Variants in ARNT2 observed in about 807,000 individuals in gnomAD.
ARNT2 encodes the protein aryl hydrocarbon receptor nuclear translocator 2, also known as ARNT protein 2.
In ARNT2, 36 loss-of-function variants were observed where a neutral mutation model predicts 91.7. That is an observed-to-expected ratio of 0.39 (90% CI 0.30 to 0.52). The LOEUF (loss-of-function observed/expected upper bound fraction) is 0.52. Ranked by LOEUF, ARNT2 falls within the 20% of genes least tolerant of loss-of-function variation. The probability of loss-of-function intolerance (pLI) is 0.72; values close to 1 mark genes in which losing one functional copy is unlikely to be tolerated. For synonymous variants in ARNT2, 365 were observed against 347.1 expected, an observed-to-expected ratio of 1.05 and a Z score of -0.57; for missense variants, 775 against 939.3, an observed-to-expected ratio of 0.83 and a Z score of 2.29.
intron 17 of ARNT2, among the ~76,000 whole-genome samples, chr15:80,590,965 G>A: frequency 6.6e-6 from 1 of 152,242 alleles, no homozygotes; most frequent in Non-Finnish European, 1.5e-5. Flanking sequence ...GGCAGGAAAA[G>A]ACTGTGGTGC....
chr15:80,566,341 A>G (rs11635554), intron 12 of ARNT2, among the ~76,000 whole-genome samples: 54,024 of 151,920 alleles, frequency 0.36, 10,349 homozygotes, highest in East Asian at 0.72. Context: ...TCATGAGTGT[A>G]TCTATCTCAA....
intron 17 of ARNT2, among the ~76,000 whole-genome samples, chr15:80,590,754 C>T (rs775549454): frequency 4.6e-5 from 7 of 152,190 alleles, no homozygotes; most frequent in Non-Finnish European, 8.8e-5. Flanking sequence ...ATGTAAAAAA[C>T]CAATTCCACT....
intron 8 of ARNT2, among the ~76,000 whole-genome samples, chr15:80,547,970 T>C (rs923034361): frequency 1.3e-5 from 2 of 152,232 alleles, no homozygotes; most frequent in South Asian, 2.1e-4. Flanking sequence ...AATATTACAA[T>C]ATGACAGTAT....
At chr15:80,422,777 A>G (rs1293633125) in intron 1 of ARNT2, among the ~76,000 whole-genome samples, 7 of 152,354 alleles carry the variant, frequency 4.6e-5, no homozygotes, top group Non-Finnish European at 8.8e-5. Flanking sequence ...ATTAAGGCAT[A>G]TAGAGTATAC....
intron 17 of ARNT2, among the ~76,000 whole-genome samples, chr15:80,590,074 C>T (rs562266372): frequency 9.9e-5 from 15 of 152,172 alleles, no homozygotes; most frequent in African/African-American, 2.4e-4. Flanking sequence ...GGAGAGAGAG[C>T]GAGGGAGAGA....
intron 1 of ARNT2, among the ~76,000 whole-genome samples, chr15:80,446,170 G>A (rs79092632): frequency 6.6e-6 from 1 of 152,042 alleles, no homozygotes; most frequent in African/African-American, 2.4e-5. Context: ...TAAGTAATTT[G>A]CTCAAGGGTT....
intron 5 of ARNT2, among the ~76,000 whole-genome samples, chr15:80,485,220 G>A (rs192376492): frequency 1.3e-5 from 2 of 152,302 alleles, no homozygotes; most frequent in Admixed American, 6.5e-5. Context: ...AGATGGGTAG[G>A]CCCTGATCTT....
At chr15:80,484,361 G>A (rs767106298) in intron 5 of ARNT2, among the ~76,000 whole-genome samples, 36 of 152,286 alleles carry the variant, frequency 2.4e-4, no homozygotes, top group Admixed American at 1.0e-3. Context: ...AGCATTTGGG[G>A]GTAAGTTGCC....
intron 1 of ARNT2, among the ~76,000 whole-genome samples, chr15:80,437,770 G>T (rs770300218): frequency 6.6e-6 from 1 of 152,062 alleles, no homozygotes; most frequent in Non-Finnish European, 1.5e-5. Context: ...ACTTACCTTC[G>T]ATTACATCAC....
At chr15:80,509,268 C>A (rs983468779) in intron 6 of ARNT2, among the ~76,000 whole-genome samples, 1 of 151,910 alleles carries the variant, frequency 6.6e-6, no homozygotes, top group Admixed American at 6.6e-5. Flanking sequence ...ATGGTGAAAC[C>A]CTGTCTTTAT....
At chr15:80,537,827 A>G (rs1342741014) in intron 8 of ARNT2, among the ~76,000 whole-genome samples, 1 of 152,200 alleles carries the variant, frequency 6.6e-6, no homozygotes, top group Non-Finnish European at 1.5e-5. Context: ...CTACCTGTCT[A>G]ACTATTTATA....
intron 17 of ARNT2, among the ~76,000 whole-genome samples, chr15:80,582,311 G>A (rs1341153236): frequency 6.9e-6 from 1 of 145,010 alleles, no homozygotes; most frequent in African/African-American, 2.6e-5. Flanking sequence ...GGGCAACATT[G>A]CAAAACCCTG....
At chr15:80,410,427 C>T (rs147441944) in intron 1 of ARNT2, among the ~76,000 whole-genome samples, 45 of 152,246 alleles carry the variant, frequency 3.0e-4, no homozygotes, top group African/African-American at 1.1e-3. Context: ...GGGTGTGCTC[C>T]AGGCTTCAGT....
chr15:80,549,158 GC>G (rs1898038997), intron 8 of ARNT2, among the ~76,000 whole-genome samples: 1 of 152,026 alleles, frequency 6.6e-6, no homozygotes, highest in Admixed American at 6.6e-5. Flanking sequence ...TGTTGATGGG[GC>G]AACTGGATAG....
At chr15:80,532,770 G>A (rs945568033) in intron 8 of ARNT2, among the ~76,000 whole-genome samples, 10 of 152,210 alleles carry the variant, frequency 6.6e-5, no homozygotes, top group African/African-American at 1.9e-4. Context: ...ATCCTGATAC[G>A]TGCTTTCAAG....
chr15:80,495,504 G>A (rs765181833), intron 5 of ARNT2, among the ~76,000 whole-genome samples: 6 of 152,176 alleles, frequency 3.9e-5, no homozygotes, highest in African/African-American at 1.2e-4. Flanking sequence ...AGGCAGTTCC[G>A]GGAGGTAGAA....
At chr15:80,484,937 TC>T (rs1896945263) in intron 5 of ARNT2, among the ~76,000 whole-genome samples, 1 of 152,224 alleles carries the variant, frequency 6.6e-6, no homozygotes, top group African/African-American at 2.4e-5. Flanking sequence ...TGACTTAACC[TC>T]CCTGAGCCTC....
intron 14 of ARNT2, among the ~76,000 whole-genome samples, chr15:80,576,071 T>C (rs1171913052): frequency 1.3e-5 from 2 of 152,166 alleles, no homozygotes; most frequent in African/African-American, 4.8e-5. Flanking sequence ...TTCTTTCTGT[T>C]GGGAAACTGA....
chr15:80,440,589 G>A (rs755228345), intron 1 of ARNT2, among the ~76,000 whole-genome samples: 4 of 152,202 alleles, frequency 2.6e-5, no homozygotes, highest in African/African-American at 9.7e-5. Flanking sequence ...CTCTACCTGA[G>A]CCAGCACTGT....
Sources: allele counts gnomAD v4.1 joint callset (sites outside exome capture counted in the v4.1 genomes callset), GRCh38; gene constraint gnomAD v4.1.1; transcripts MANE v1.5; gene names NCBI Gene and HGNC (gene_info 2026-07-23, HGNC 2026-07-21).